CNTN5: variants seen among roughly 807,000 people sequenced by gnomAD.
CNTN5 encodes the protein contactin 5.
In CNTN5, 77 loss-of-function variants were observed where a neutral mutation model predicts 129.1. The observed-to-expected ratio is 0.60, with a 90% CI of 0.50 to 0.72. The LOEUF (loss-of-function observed/expected upper bound fraction) is 0.72. CNTN5 is among the 30% of genes least tolerant of loss of function. CNTN5 has a pLI of 0.00. For synonymous variants in CNTN5, 509 were observed against 465.6 expected (o/e 1.09, Z -1.20); for missense variants, 1,478 against 1,328.8 (o/e 1.11, Z -1.75).
intron 21 of CNTN5, chr11:100,309,407 T>C: frequency 1.0e-6 from 1 of 970,680 alleles, no homozygotes; most frequent in Non-Finnish European, 1.2e-6. Context: ...TAAATAATGA[T>C]TTCTATGATA....
intron 13 of CNTN5, among the ~76,000 whole-genome samples, chr11:100,123,813 T>A (rs867231553): frequency 3.3e-5 from 5 of 152,028 alleles, no homozygotes; most frequent in Middle Eastern, 6.8e-3. Flanking sequence ...TAAAATTGAG[T>A]TAACCAGTAT....
At chr11:99,856,396 T>G (rs953386853) in intron 6 of CNTN5, among the ~76,000 whole-genome samples, 1 of 152,196 alleles carries the variant, frequency 6.6e-6, no homozygotes, top group Non-Finnish European at 1.5e-5. Context: ...TTCACAACTT[T>G]CTTAGAATAC....
At chr11:99,809,418 A>G (rs1946366287) in intron 3 of CNTN5, among the ~76,000 whole-genome samples, 1 of 152,134 alleles carries the variant, frequency 6.6e-6, no homozygotes, top group Admixed American at 6.6e-5. Flanking sequence ...AAAAATTTCC[A>G]TAGTTACCTT....
chr11:99,279,773 C>T (rs925067114), intron 1 of CNTN5, among the ~76,000 whole-genome samples: 3 of 151,522 alleles, frequency 2.0e-5, no homozygotes, highest in Non-Finnish European at 4.4e-5. Flanking sequence ...TCAATCTCCA[C>T]GATAATATTG....
chr11:100,093,406 G>A (rs1487463718), intron 13 of CNTN5, among the ~76,000 whole-genome samples: 1 of 152,018 alleles, frequency 6.6e-6, no homozygotes. Context: ...GACTACAGGT[G>A]TGTGCCATCA....
intron 2 of CNTN5, among the ~76,000 whole-genome samples, chr11:99,553,089 C>G (rs1244601386): frequency 6.6e-6 from 1 of 152,058 alleles, no homozygotes; most frequent in Non-Finnish European, 1.5e-5. Context: ...TGCAATAGTT[C>G]AGAGGAAAAT....
intron 3 of CNTN5, among the ~76,000 whole-genome samples, chr11:99,700,439 G>A (rs1954468695): frequency 6.6e-6 from 1 of 151,328 alleles, no homozygotes. Flanking sequence ...AGAATATTTA[G>A]GAAATTACAT....
chr11:99,831,282 C>T (rs760629507), intron 4 of CNTN5, among the ~76,000 whole-genome samples: 28 of 152,116 alleles, frequency 1.8e-4, no homozygotes, highest in Non-Finnish European at 3.8e-4. Flanking sequence ...TCTGCATCCT[C>T]CTGGTTGTGG....
intron 9 of CNTN5, among the ~76,000 whole-genome samples, chr11:100,038,456 T>G (rs1942167603): frequency 6.6e-6 from 1 of 152,144 alleles, no homozygotes; most frequent in Non-Finnish European, 1.5e-5. Flanking sequence ...TGATTTGGGG[T>G]GGAGAGTTCT....
At chr11:99,361,140 A>C (rs896188792) in intron 2 of CNTN5, among the ~76,000 whole-genome samples, 4 of 152,142 alleles carry the variant, frequency 2.6e-5, no homozygotes, top group Non-Finnish European at 5.9e-5. Flanking sequence ...AATGGCCTTT[A>C]CCATCCATAT....
intron 13 of CNTN5, among the ~76,000 whole-genome samples, chr11:100,138,732 TGAG>T (rs1946603212): frequency 6.6e-6 from 1 of 152,194 alleles, no homozygotes; most frequent in Admixed American, 6.5e-5. Flanking sequence ...TTTCAAGTGT[TGAG>T]GAGGGGATCA....
chr11:99,067,984 GT>G lies in CNTN5; in HGVS notation c.-210+46718del, dbSNP rs767444169. Reference sequence around the variant, plus strand: ...GAGTGAGTTATCAGGAGAGCTGATGGTTTTATAAGGGTTTGGTAGCTTCTCC... The same window carrying G: ...GAGTGAGTTATCAGGAGAGCTGATGGTTTATAAGGGTTTGGTAGCTTCTCC... On this transcript the variant is annotated intron_variant, in intron 1 of 24. Transcript: ENST00000524871. Among the ~76,000 whole-genome samples the G allele has an allele frequency of 1.8e-4, 27 of 152,196 alleles. No individual in the cohort carries two copies. In the East Asian group the frequency reaches 3.9e-3, roughly 22 times the overall value.
chr11:99,551,935 T>C (rs1206275553), intron 2 of CNTN5, among the ~76,000 whole-genome samples: 1 of 148,436 alleles, frequency 6.7e-6, no homozygotes, highest in East Asian at 2.0e-4. Context: ...TGAGACAGAG[T>C]CTCACTCCAT....
chr11:99,301,355 C>T (rs1164643372), intron 1 of CNTN5, among the ~76,000 whole-genome samples: 1 of 151,378 alleles, frequency 6.6e-6, no homozygotes, highest in Non-Finnish European at 1.5e-5. Flanking sequence ...GAGAGATACA[C>T]TTTAGATTCA....
intron 7 of CNTN5, among the ~76,000 whole-genome samples, chr11:99,936,177 G>T (rs1321780415): frequency 2.0e-5 from 3 of 152,238 alleles, no homozygotes; most frequent in East Asian, 3.9e-4. Flanking sequence ...GAAAACATTT[G>T]CAGGGGTTAT....
intron 17 of CNTN5, among the ~76,000 whole-genome samples, chr11:100,257,863 A>G (rs529373842): frequency 5.3e-5 from 8 of 152,328 alleles, no homozygotes; most frequent in African/African-American, 1.9e-4. Flanking sequence ...GAAAATTCCA[A>G]AAACCAGAAC....
intron 1 of CNTN5, among the ~76,000 whole-genome samples, chr11:99,128,296 C>T (rs1236435776): frequency 6.6e-6 from 1 of 152,196 alleles, no homozygotes; most frequent in East Asian, 1.9e-4. Flanking sequence ...AGGCAGTTCT[C>T]TCCAGCTAGT....
chr11:99,471,585 T>C (rs1293006368), intron 2 of CNTN5, among the ~76,000 whole-genome samples: 1 of 152,128 alleles, frequency 6.6e-6, no homozygotes, highest in Non-Finnish European at 1.5e-5. Flanking sequence ...GAAACATCTC[T>C]GTACCTCACT....
At chr11:99,101,512 A>C (rs1407417141) in intron 1 of CNTN5, among the ~76,000 whole-genome samples, 1 of 152,264 alleles carries the variant, frequency 6.6e-6, no homozygotes, top group African/African-American at 2.4e-5. Context: ...TCCTAGAAAC[A>C]ATGGGTACAG....
Sources: allele counts gnomAD v4.1 joint callset (sites outside exome capture counted in the v4.1 genomes callset), GRCh38; gene constraint gnomAD v4.1.1; transcripts MANE v1.5; gene names NCBI Gene and HGNC (gene_info 2026-07-23, HGNC 2026-07-21).